The following TENM2 variants were observed in gnomAD, a reference collection of about 807,000 sequenced individuals.
The protein encoded by TENM2 is teneurin transmembrane protein 2.
A neutral mutation model predicts 245.2 loss-of-function variants in TENM2; 52 were observed. The ratio of observed to expected loss-of-function variants is 0.21; its 90% CI spans 0.17 to 0.27. The LOEUF (loss-of-function observed/expected upper bound fraction) is 0.27, where lower values mean the gene tolerates loss of function less well. TENM2 is among the 10% of genes least tolerant of loss of function. The probability of loss-of-function intolerance (pLI) is 1.00; values close to 1 mark genes in which losing one functional copy is unlikely to be tolerated. For synonymous variants in TENM2, 1,363 were observed against 1,438.9 expected (o/e 0.95, Z 1.19); for missense variants, 3,046 against 3,666.8 (o/e 0.83, Z 4.37).
intron 2 of TENM2, among the ~76,000 whole-genome samples, chr5:167,800,741 G>A (rs534683748): frequency 1.3e-5 from 2 of 152,098 alleles, no homozygotes; most frequent in Non-Finnish European, 2.9e-5. Context: ...ACAAGGCCAT[G>A]CTGACTGTAA....
At position 168,219,010 on chromosome 5, in the gene TENM2, T is replaced by G; in HGVS notation, c.5108+11T>G. ...GACGACTTTCTATGAGTAAGTGGGT[T>G]TGTAAAGCATCTCTGAAGAGCCCTT... On this transcript the variant is annotated intron_variant, in intron 23 of 28. Transcript: ENST00000518659. The G allele has an allele frequency of 1.2e-6, 2 of 1,607,406 alleles. No homozygotes were observed. Among genetic ancestry groups the G allele is most frequent in the South Asian group, 2.2e-5 (2 of 90,608 alleles).
At chr5:167,746,675 C>CAGAGAGAGAGAGAGAGAGAGAG (rs57973052) in intron 2 of TENM2, among the ~76,000 whole-genome samples, 112 of 117,186 alleles carry the variant, frequency 9.6e-4, no homozygotes, top group Admixed American at 1.9e-3. Context: ...AAATTACCAA[C>CAGAGAGAGAGAGAGAGAGAGAG]AGAGAGAGAG....
chr5:168,237,257 A>C (rs1765589982), intron 25 of TENM2, among the ~76,000 whole-genome samples: 2 of 150,698 alleles, frequency 1.3e-5, no homozygotes. Flanking sequence ...ACCTCAAGCG[A>C]TCCACCCGCC....
chr5:167,136,232 C>T, the TENM2 span, among the ~76,000 whole-genome samples: 1 of 152,210 alleles, frequency 6.6e-6, no homozygotes, highest in African/African-American at 2.4e-5. Context: ...TCTATTCTCA[C>T]TTTCTCCTCA....
chr5:167,193,618 G>T, the TENM2 span, among the ~76,000 whole-genome samples: 1 of 151,960 alleles, frequency 6.6e-6, no homozygotes, highest in East Asian at 1.9e-4. Flanking sequence ...CTCTTTGTAG[G>T]TGTAGATTTA....
exon 9 of TENM2, chr5:168,098,043 C>G: frequency 6.2e-7 from 1 of 1,612,906 alleles, no homozygotes. Flanking sequence ...GCAGGACTGT[C>G]CACGTAACTG....
intron 2 of TENM2, among the ~76,000 whole-genome samples, chr5:167,636,464 C>A (rs2150233111): frequency 6.6e-6 from 1 of 152,184 alleles, no homozygotes; most frequent in South Asian, 2.1e-4. Flanking sequence ...AATAATAACT[C>A]ATTGAAATGG....
intron 2 of TENM2, among the ~76,000 whole-genome samples, chr5:167,629,824 A>T (rs562659198): frequency 7.0e-4 from 107 of 152,236 alleles, no homozygotes; most frequent in African/African-American, 2.4e-3. Context: ...ATAATCACCC[A>T]GAAAGGCACT....
At position 168,223,641 on chromosome 5, in the gene TENM2, A is replaced by G. The variant is rs141425261; in HGVS notation, c.5109-2447A>G. ...GGCACTGCGCCCAGCTAATTTTTGT[A>G]TTTTTAGTAGAGACAGGGTTTCACC... On this transcript the variant is annotated intron_variant, in intron 23 of 28. Coordinates refer to ENST00000518659, the Ensembl canonical transcript of TENM2. 9.2e-5 allele frequency among the ~76,000 whole-genome samples: 14 copies of G among 151,754 alleles called. No individual in the cohort carries two copies. In the East Asian group the frequency reaches 2.7e-3, roughly 29 times the overall value.
At position 167,625,933 on chromosome 5, in the gene TENM2, A is replaced by G. The variant is rs368280898; in HGVS notation, c.503-250053A>G. ...CTCCATGGGTTGTTTGAATGTCCTT[A>G]TGACATAGCTTGCATCCACCAAAGC... On this transcript the variant is annotated intron_variant, in intron 2 of 28. Coordinates refer to ENST00000518659, the Ensembl canonical transcript of TENM2. 1.7e-3 allele frequency among the ~76,000 whole-genome samples: 256 copies of G among 152,262 alleles called. 12 individuals are homozygous for G. The South Asian group carries it at 0.051, about 30-fold the overall frequency.
At chr5:167,046,169 A>G in the TENM2 span, among the ~76,000 whole-genome samples, 4 of 152,078 alleles carry the variant, frequency 2.6e-5, no homozygotes, top group Non-Finnish European at 2.9e-5. Context: ...CTTCCAAATC[A>G]CAGTTATGTG....
At chr5:167,529,928 A>G (rs1771382445) in intron 2 of TENM2, among the ~76,000 whole-genome samples, 1 of 152,166 alleles carries the variant, frequency 6.6e-6, no homozygotes, top group African/African-American at 2.4e-5. Flanking sequence ...CCAAAATTCA[A>G]TTCATTGGGG....
chr5:168,164,298 C>T lies in TENM2; in HGVS notation c.2569+1541C>T, dbSNP rs111840892. Among the ~76,000 whole-genome samples, 837 of 151,974 alleles carry T rather than the reference C, an allele frequency of 5.5e-3. 9 individuals carry two copies. Among genetic ancestry groups the T allele is most frequent in the African/African-American group, 0.019 (772 of 41,418 alleles). On this transcript the variant is annotated intron_variant, in intron 13 of 28. Transcript: ENST00000518659. ...AGTTTTTGTGGTAAGAACATTTTAA[C>T]GTAAGATCTACCCTCTTAGCAAATT...
intron 3 of TENM2, among the ~76,000 whole-genome samples, chr5:167,903,104 G>T (rs1182220027): frequency 6.6e-6 from 1 of 152,082 alleles, no homozygotes; most frequent in Non-Finnish European, 1.5e-5. Context: ...ATTATAATTT[G>T]TCAATATTCA....
At chr5:167,599,058 T>C (rs1776424043) in intron 2 of TENM2, among the ~76,000 whole-genome samples, 1 of 152,158 alleles carries the variant, frequency 6.6e-6, no homozygotes, top group Non-Finnish European at 1.5e-5. Context: ...TAGAGGAACA[T>C]GGAAGCAGAC....
chr5:168,173,150 AT>A (rs970788278), intron 13 of TENM2, among the ~76,000 whole-genome samples: 2 of 152,096 alleles, frequency 1.3e-5, no homozygotes, highest in African/African-American at 4.8e-5. Flanking sequence ...TCTTTCATTT[AT>A]GAGAATCACA....
chr5:167,606,937 A>G (rs938922822), intron 2 of TENM2, among the ~76,000 whole-genome samples: 5 of 152,182 alleles, frequency 3.3e-5, no homozygotes, highest in Non-Finnish European at 7.4e-5. Flanking sequence ...CAGTATTTCA[A>G]GATTTATATA....
At chr5:168,009,137 A>T (rs771079990) in intron 5 of TENM2, among the ~76,000 whole-genome samples, 1 of 152,262 alleles carries the variant, frequency 6.6e-6, no homozygotes, top group Non-Finnish European at 1.5e-5. Flanking sequence ...AAGACTCAGC[A>T]TACCCATTTA....
intron 3 of TENM2, among the ~76,000 whole-genome samples, chr5:167,884,443 T>A (rs1774123892): frequency 6.6e-6 from 1 of 152,240 alleles, no homozygotes; most frequent in African/African-American, 2.4e-5. Context: ...ACTATTTTAT[T>A]TCTGTCTCTA....
Sources: gnomAD v4.1 joint callset for allele counts (sites outside exome capture counted in the v4.1 genomes callset) on GRCh38, gnomAD v4.1.1 for gene constraint, MANE v1.5 for transcripts, NCBI Gene and HGNC (gene_info 2026-07-23, HGNC 2026-07-21) for gene names.